The following CAGE1 variants were observed in gnomAD, a reference collection of about 807,000 sequenced individuals.
CAGE1 encodes the protein cancer antigen 1, also known as cancer-associated gene 1 protein.
In CAGE1, 66 loss-of-function variants were observed where a neutral mutation model predicts 94.9. The ratio of observed to expected loss-of-function variants is 0.70; its 90% CI spans 0.57 to 0.85. The LOEUF is 0.85. CAGE1 is among the 40% of genes least tolerant of loss of function. The pLI, the probability that CAGE1 is intolerant of heterozygous loss-of-function variation, is 0.00. For missense variants in CAGE1, 865 were observed against 950.4 expected, an observed-to-expected ratio of 0.91 and a Z score of 1.18; for synonymous variants, 319 against 321.0, an observed-to-expected ratio of 0.99 and a Z score of 0.07.
At chr6:7,370,469 AT>A (rs1760501566) in intron 5 of CAGE1, among the ~76,000 whole-genome samples, 1 of 151,878 alleles carries the variant, frequency 6.6e-6, no homozygotes, top group Non-Finnish European at 1.5e-5. Context: ...AATTTTTCAA[AT>A]TTTTTGTAGA....
intron 4 of CAGE1, 133 bp from the exon 5 acceptor site, chr6:7,374,264 A>G: frequency 1.5e-6 from 1 of 675,204 alleles, no homozygotes; most frequent in Non-Finnish European, 2.5e-6. Flanking sequence ...TAACAATAGT[A>G]TCTACTTCCA....
At position 7,333,628 on chromosome 6, in the gene CAGE1, ATCTATCTAAC is replaced by A. The variant is rs1203687808; in HGVS notation, c.2438+384_2438+393del. Among the ~76,000 whole-genome samples, 391 of 67,706 alleles carry A rather than the reference ATCTATCTAAC, an allele frequency of 5.8e-3. 4 individuals carry two copies. The highest frequency in any genetic ancestry group is 0.027 in the African/African-American group (340 of 12,516). The allele number at this position is 67,706 out of a possible 152,430, so 44.4% of individuals were successfully genotyped here. On this transcript the variant is annotated intron_variant, in intron 12 of 13. Coordinates refer to ENST00000502583, the MANE Select transcript of CAGE1 (RefSeq NM_001170692.2). The stretch of plus-strand genomic sequence containing the variant: ...TTTTTTTTTTAAGTATTATCTAACT[ATCTATCTAAC>A]TATCTATATATATATATATATATAT...
chr6:7,327,281 G>C (rs1561843178), intron 13 of CAGE1, among the ~76,000 whole-genome samples: 1 of 152,044 alleles, frequency 6.6e-6, no homozygotes, highest in Non-Finnish European at 1.5e-5. Flanking sequence ...TCGAACCCCT[G>C]ACCTCAAGTG....
intron 1 of CAGE1, among the ~76,000 whole-genome samples, chr6:7,387,982 C>T (rs1344748848): frequency 6.8e-6 from 1 of 147,002 alleles, no homozygotes; most frequent in Non-Finnish European, 1.5e-5. Flanking sequence ...TGCAGTGAGC[C>T]GAGATGGCCC....
rs549719979 is a variant in CAGE1, at chr6:7,358,385, T to C, written c.2194-2256A>G. Among the ~76,000 whole-genome samples the C allele has an allele frequency of 1.2e-4, 19 of 152,244 alleles. No homozygotes were observed. The South Asian group carries it at 3.9e-3, about 32-fold the overall frequency. The stretch of plus-strand genomic sequence containing the variant: ...CAGTAGTTCATCCCTTTTTTATGAC[T>C]GAGGAGTATTTTCATTGAATGAATA... On this transcript the variant is annotated intron_variant, in intron 9 of 13. Coordinates refer to ENST00000502583, the MANE Select transcript of CAGE1 (RefSeq NM_001170692.2).
chr6:7,350,962 G>T (rs1759746781), intron 11 of CAGE1, among the ~76,000 whole-genome samples: 2 of 151,968 alleles, frequency 1.3e-5, no homozygotes, highest in African/African-American at 4.8e-5. Flanking sequence ...AAAGATAAAT[G>T]AAACAAAAAG....
chr6:7,339,688 C>T lies in CAGE1; in HGVS notation c.2370-5598G>A, dbSNP rs1431762471. On this transcript the variant is annotated intron_variant, in intron 11 of 13. Transcript: ENST00000502583. The surrounding 1 kb of genome is among the most constrained non-coding windows in gnomAD (Gnocchi z 4.7). The stretch of plus-strand genomic sequence containing the variant: ...TGATGTTTGGTTTTCCATTCCTGAG[C>T]TACTTCACTTAGAATAATGGTCTCC... 8.9e-6 allele frequency: 5 copies of T among 564,576 alleles called. No individual in the cohort carries two copies. Among genetic ancestry groups the T allele is most frequent in the Non-Finnish European group, 1.6e-5 (5 of 314,414 alleles). 35.0% of individuals were successfully genotyped at this position (564,576 alleles called of 1,614,324 possible).
chr6:7,358,027 GATAT>G (rs55850429), intron 9 of CAGE1, among the ~76,000 whole-genome samples: 1,810 of 47,598 alleles, frequency 0.038, 33 homozygotes, highest in Middle Eastern at 0.091. Context: ...TAAGTTTTGA[GATAT>G]ATATATATAT....
At chr6:7,344,401 C>T (rs1257303375) in intron 11 of CAGE1, among the ~76,000 whole-genome samples, 1 of 152,220 alleles carries the variant, frequency 6.6e-6, no homozygotes, top group African/African-American at 2.4e-5. Context: ...CCCAGCAGTG[C>T]CAGCCCACCG....
chr6:7,369,099 C>A (rs540498602), intron 6 of CAGE1, among the ~76,000 whole-genome samples: 1 of 151,830 alleles, frequency 6.6e-6, no homozygotes, highest in Non-Finnish European at 1.5e-5. Flanking sequence ...ACCTCTCCCC[C>A]CAGGTTCAAG....
chr6:7,334,725 C>CAAAAAAAAAAAAAA (rs58790989), intron 11 of CAGE1, among the ~76,000 whole-genome samples: 4 of 67,892 alleles, frequency 5.9e-5, no homozygotes, highest in Middle Eastern at 7.9e-3. Flanking sequence ...GACTCTCTCT[C>CAAAAAAAAAAAAAA]AAAAAAAAAA....
intron 11 of CAGE1, among the ~76,000 whole-genome samples, chr6:7,343,653 G>C (rs1224246373): frequency 6.6e-6 from 1 of 152,190 alleles, no homozygotes; most frequent in African/African-American, 2.4e-5. Context: ...GCATTCTGTG[G>C]ATGGTGAATA....
At chr6:7,358,606 G>A (rs1017417550) in intron 9 of CAGE1, among the ~76,000 whole-genome samples, 3 of 152,138 alleles carry the variant, frequency 2.0e-5, no homozygotes, top group Admixed American at 6.5e-5. Context: ...TTTGGGAGAC[G>A]GAGGCGGGAG....
In CAGE1 at chr6:7,373,317, T is replaced by C. The variant is rs1561864120; in HGVS notation, c.1502A>G (p.Glu501Gly). The C allele has an allele frequency of 6.2e-7, 1 of 1,608,950 alleles. No homozygotes were observed. Among genetic ancestry groups the C allele is most frequent in the Non-Finnish European group, 8.5e-7 (1 of 1,177,856 alleles). The change falls in exon 5 of 14, where the codon GAA becomes GGA. Residue 501 changes from glutamate (E) to glycine (G), a missense_variant. By Grantham distance (98) the Glu-to-Gly change is moderately conservative. Coordinates refer to ENST00000502583, the MANE Select transcript of CAGE1 (RefSeq NM_001170692.2). ...FQKLEKENLE[E>G]RQKLKSRLEK... ...AAGTCTAGATTTCAGTTTCTGTCTT[T>C]CTTCCAGGTTTTCCTTTTCAAGTTT...
intron 9 of CAGE1, among the ~76,000 whole-genome samples, chr6:7,359,909 T>A (rs1018500360): frequency 1.3e-5 from 2 of 152,186 alleles, no homozygotes; most frequent in African/African-American, 4.8e-5. Context: ...GTGATTATCT[T>A]ATAGTTCTGT....
chr6:7,373,298 A>C lies in CAGE1; in HGVS notation c.1521T>G (p.Ser507=), dbSNP rs1212765310. The C allele has an allele frequency of 5.0e-6, 8 of 1,605,976 alleles. No individual in the cohort carries two copies. Among genetic ancestry groups the C allele is most frequent in the Non-Finnish European group, 6.8e-6 (8 of 1,175,862 alleles). Residue 507 remains serine (S), a synonymous_variant, in exon 5 of 14, where the codon TCT becomes TCG. Coordinates refer to ENST00000502583, the MANE Select transcript of CAGE1 (RefSeq NM_001170692.2). ...ENLEERQKLK[S]RLEKLLTQVR... is the part of the protein sequence containing the mutation. ...CTTGAGTGAGCAATTTCTCAAGTCT[A>C]GATTTCAGTTTCTGTCTTTCTTCCA... is the stretch of plus-strand genomic sequence containing the variant.
intron 11 of CAGE1, among the ~76,000 whole-genome samples, chr6:7,346,418 G>A (rs1480899367): frequency 1.3e-5 from 2 of 151,824 alleles, no homozygotes; most frequent in African/African-American, 2.4e-5. Context: ...GCATGGTGGT[G>A]CATGCCTGTA....
chr6:7,328,348 G>T (rs545517779), intron 13 of CAGE1, among the ~76,000 whole-genome samples: 5 of 152,288 alleles, frequency 3.3e-5, no homozygotes, highest in South Asian at 2.1e-4. Context: ...GTGCTATTAC[G>T]TCAAAGGGTA....
chr6:7,380,295 T>C (rs374954543), intron 3 of CAGE1, among the ~76,000 whole-genome samples: 1 of 152,160 alleles, frequency 6.6e-6, no homozygotes, highest in South Asian at 2.1e-4. Flanking sequence ...ATAGTATTGT[T>C]TTATGTGCTT....
Sources: allele counts gnomAD v4.1 joint callset (sites outside exome capture counted in the v4.1 genomes callset), GRCh38; gene constraint gnomAD v4.1.1; non-coding constraint Gnocchi (gnomAD v3.1); transcripts MANE v1.5; gene names NCBI Gene and HGNC (gene_info 2026-07-23, HGNC 2026-07-21).